The following SP110 variants were observed in gnomAD, a reference collection of about 807,000 sequenced individuals.
SP110 encodes the protein interferon-induced protein 41, 30kD.
A neutral mutation model predicts 92.7 loss-of-function variants in SP110; 62 were observed. The observed-to-expected ratio is 0.67, with a 90% confidence interval of 0.55 to 0.83. SP110 has a LOEUF of 0.83. Ranked by LOEUF, SP110 falls within the 40% of genes least tolerant of loss-of-function variation. The pLI is 0.00. For missense variants in SP110, 793 were observed against 863.9 expected (o/e 0.92, Z 1.03); for synonymous variants, 273 against 305.3 (o/e 0.89, Z 1.10).
At position 230,219,938 on chromosome 2, in the gene SP110, T is replaced by C. The variant is rs1000426200; in HGVS notation, c.-66A>G. 24 of 985,356 alleles carry C rather than the reference T, an allele frequency of 2.4e-5. No individual in the cohort carries two copies. The highest frequency in any genetic ancestry group is 9.4e-5 in the South Asian group (2 of 21,280). 61.0% of individuals were successfully genotyped at this position (985,356 alleles called of 1,614,324 possible). A position where few individuals can be genotyped will look rare whatever the true frequency, so the allele number is the denominator to read the frequency against. On this transcript the variant is annotated 5_prime_UTR_variant, in exon 1 of 19. Coordinates refer to ENST00000258381, the MANE Select transcript of SP110 (RefSeq NM_080424.4). The stretch of plus-strand genomic sequence containing the variant: ...CTGGGACAGGGATCACTCCTCAAGA[T>C]TGGGAGAGTTACAGGGAGATGCTAG...
Position 230,172,038 on chromosome 2 carries a change from A to AT in SP110, c.1815+27dup, listed in dbSNP as rs760869708. On this transcript the variant is annotated intron_variant, in intron 16 of 18. Transcript: ENST00000258381. The stretch of plus-strand genomic sequence containing the variant: ...GCTTCTCGTGTGAGAAGGGAAAAGT[A>AT]TAGGTTTGGGGTTTGCATCCAACTC... 62 of 1,333,878 alleles carry AT rather than the reference A, an allele frequency of 4.6e-5. No homozygotes were observed. In the African/African-American group the frequency reaches 7.2e-4, roughly 15 times the overall value. The allele number at this position is 1,333,878 out of a possible 1,614,324, so 82.6% of individuals were successfully genotyped here. A position where few individuals can be genotyped will look rare whatever the true frequency, so the allele number is the denominator to read the frequency against.
At position 230,169,145 on chromosome 2, in the gene SP110, G is replaced by A. The variant is rs576592280; in HGVS notation, c.2121C>T (p.Gly707=). ...DVLGFHEAND[G]GFWTLP ...AGGGTCAAGGAAGAGTCCAGAAACC[G>A]CCGTCATTGGCTTCATGAAAACCGA... The change falls in exon 19 of 19, where the codon GGC becomes GGT. Residue 707 remains glycine, a synonymous_variant. Transcript: ENST00000258381. 20 of 1,612,280 alleles carry A rather than the reference G, an allele frequency of 1.2e-5. No individual in the cohort carries two copies. Among genetic ancestry groups the A allele is most frequent in the East Asian group, 2.2e-5 (1 of 44,854 alleles).
In SP110 at chr2:230,200,902, G is replaced by A. The variant is rs2043118509; in HGVS notation, c.1112C>T (p.Pro371Leu). 1 of 1,612,762 alleles carries A rather than the reference G, an allele frequency of 6.2e-7. No individual in the cohort carries two copies. Among genetic ancestry groups the A allele is most frequent in the Non-Finnish European group, 8.5e-7 (1 of 1,178,828 alleles). ...GKRSQKTPST[P>L]RRVTQGAASP... The stretch of plus-strand genomic sequence containing the variant: ...AGTTTTACCTTGTGTGACCCTTCGT[G>A]GTGTACTAGGCGTCTTCTGGGACCT... Residue 371 changes from proline to leucine, a missense_variant, in exon 10 of 19, where the codon CCA (proline) becomes CTA (leucine). Physicochemically the swap from Pro to Leu is moderately conservative, Grantham distance 98. Transcript: ENST00000258381.
chr2:230,179,180 T>G (rs188267646), intron 12 of SP110, among the ~76,000 whole-genome samples: 18 of 152,160 alleles, frequency 1.2e-4, no homozygotes, highest in Non-Finnish European at 8.8e-5. Flanking sequence ...AAGAAGCCAT[T>G]CATTTCTCTG....
chr2:230,201,780 G>C (rs2043206336), intron 9 of SP110, among the ~76,000 whole-genome samples: 1 of 152,160 alleles, frequency 6.6e-6, no homozygotes, highest in Non-Finnish European at 1.5e-5. Flanking sequence ...CAAAATGCAA[G>C]GTGGATTAAT....
At chr2:230,171,635 G>T in intron 17 of SP110, 61 bp downstream of exon 17, 6 of 1,294,948 alleles carry the variant, frequency 4.6e-6, no homozygotes, top group Non-Finnish European at 6.7e-6. Flanking sequence ...GCACCTGCCA[G>T]ATCAGCCCCC....
intron 12 of SP110, 96 bp from the exon 13 acceptor site, chr2:230,178,351 T>C (rs980352480): frequency 2.7e-6 from 2 of 746,752 alleles, no homozygotes; most frequent in African/African-American, 1.7e-5. Context: ...GTACAGGGTA[T>C]TGGGGAACGT....
At chr2:230,171,949 A>G in intron 16 of SP110, 117 bp downstream of exon 16, 1 of 847,320 alleles carries the variant, frequency 1.2e-6, no homozygotes, top group East Asian at 2.4e-5. Flanking sequence ...TTAAATCGTC[A>G]TCCTTTAAAG....
chr2:230,171,973 G>C, intron 16 of SP110, 93 bp downstream of exon 16: 2 of 874,560 alleles, frequency 2.3e-6, no homozygotes, highest in East Asian at 2.4e-5. Context: ...GACATTGAAG[G>C]CTCCCTTTGG....
chr2:230,171,998 C>T, intron 16 of SP110, 68 bp downstream of exon 16: 2 of 995,746 alleles, frequency 2.0e-6, no homozygotes, highest in East Asian at 2.4e-5. Flanking sequence ...TTGCCCTGAC[C>T]CTGTGCCTGT....
chr2:230,223,651 T>G (rs559028624), upstream of SP110, among the ~76,000 whole-genome samples: 1 of 152,322 alleles, frequency 6.6e-6, no homozygotes, highest in South Asian at 2.1e-4. Context: ...CTGACATAAT[T>G]GGACATAAAA....
chr2:230,206,422 C>T (rs1468467391), intron 8 of SP110, among the ~76,000 whole-genome samples: 1 of 151,556 alleles, frequency 6.6e-6, no homozygotes, highest in Non-Finnish European at 1.5e-5. Flanking sequence ...CTTCACTGGT[C>T]TCGTTCCCTC....
intron 15 of SP110, 22 bp from the exon 16 acceptor site, chr2:230,172,196 G>T (rs370664476): frequency 1.4e-6 from 2 of 1,442,940 alleles, no homozygotes; most frequent in Non-Finnish European, 9.8e-7. Context: ...GACACAAGGT[G>T]AGCAGAGGGC....
chr2:230,199,148 ATT>A (rs113583785), intron 10 of SP110, among the ~76,000 whole-genome samples: 1 of 139,102 alleles, frequency 7.2e-6, no homozygotes, highest in African/African-American at 2.8e-5. Flanking sequence ...TATTATTATT[ATT>A]TTTTTTTTTT....
In SP110 at chr2:230,206,124, T is replaced by C. The variant is rs141874157; in HGVS notation, c.898+1867A>G. ...ATTTTGGACACTGGGATCATACTAA[T>C]GATAAACTAAGTCAGGGAAGAGGAG... On this transcript the variant is annotated intron_variant, in intron 8 of 18. Coordinates refer to ENST00000258381, the MANE Select transcript of SP110 (RefSeq NM_080424.4). Among the ~76,000 whole-genome samples the C allele has an allele frequency of 1.6e-4, 24 of 152,318 alleles. 1 individual carries two copies. In the East Asian group the frequency reaches 4.6e-3, roughly 29 times the overall value.
chr2:230,208,688 C>G (rs1012806839), intron 7 of SP110, among the ~76,000 whole-genome samples: 1 of 152,164 alleles, frequency 6.6e-6, no homozygotes, highest in Non-Finnish European at 1.5e-5. Flanking sequence ...GTAGCATTGT[C>G]ACACAGTAAG....
At chr2:230,218,025 G>T (rs2045417475) in intron 1 of SP110, among the ~76,000 whole-genome samples, 7 of 152,222 alleles carry the variant, frequency 4.6e-5, no homozygotes, top group Admixed American at 4.6e-4. Flanking sequence ...CTTTTCCCAT[G>T]CCCATGCAGC....
At position 230,175,208 on chromosome 2, in the gene SP110, A is replaced by T. The variant is rs572832631; in HGVS notation, c.1591-2249T>A. On this transcript the variant is annotated intron_variant, in intron 14 of 18. Coordinates refer to ENST00000258381, the MANE Select transcript of SP110 (RefSeq NM_080424.4). ...CTCATAGACCTACCTACACGTTCAC[A>T]TAAGCAACAATGGGTTCCTTCCCCA... 4.6e-5 allele frequency among the ~76,000 whole-genome samples: 7 copies of T among 152,320 alleles called. No individual in the cohort carries two copies. The East Asian group carries it at 1.4e-3, about 29-fold the overall frequency.
chr2:230,210,102 A>G, intron 6 of SP110, 94 bp from the exon 7 acceptor site: 1 of 818,312 alleles, frequency 1.2e-6, no homozygotes, highest in Non-Finnish European at 2.2e-6. Flanking sequence ...AGTAGAAAGT[A>G]CATGCAGCCC....
Sources: gnomAD v4.1 joint callset for allele counts (sites outside exome capture counted in the v4.1 genomes callset) on GRCh38, gnomAD v4.1.1 for gene constraint, MANE v1.5 for transcripts, NCBI Gene and HGNC (gene_info 2026-07-23, HGNC 2026-07-21) for gene names.